The following MGAT4C variants were observed in gnomAD, a reference collection of about 807,000 sequenced individuals.
MGAT4C encodes alpha-1,3-mannosyl-glycoprotein 4-beta-N-acetylglucosaminyltransferase C.
MGAT4C carries 19 observed loss-of-function variants against 40.1 expected under a neutral mutation model. The ratio of observed to expected loss-of-function variants is 0.47; its 90% CI spans 0.33 to 0.70. The LOEUF (loss-of-function observed/expected upper bound fraction) is 0.70, where lower values mean the gene tolerates loss of function less well. Ranked by LOEUF, MGAT4C falls within the 30% of genes least tolerant of loss-of-function variation. The pLI is 0.02. For synonymous variants in MGAT4C, 181 were observed against 187.1 expected (o/e 0.97, Z 0.27); for missense variants, 491 against 563.2 (o/e 0.87, Z 1.30).
chr12:86,260,435 G>A (rs1435198639), upstream of MGAT4C, among the ~76,000 whole-genome samples: 1 of 152,096 alleles, frequency 6.6e-6, no homozygotes, highest in Non-Finnish European at 1.5e-5. Context: ...ACCCTGATAG[G>A]CAGAAATAGC....
At chr12:86,730,219 T>C (rs1950885951) in intron 1 of MGAT4C, among the ~76,000 whole-genome samples, 2 of 152,038 alleles carry the variant, frequency 1.3e-5, no homozygotes, top group South Asian at 4.1e-4. Flanking sequence ...GAATTCCATA[T>C]AATATTTATG....
intron 1 of MGAT4C, among the ~76,000 whole-genome samples, chr12:86,211,406 CAAAAAAAAAAAAAAAA>C (rs58874795): frequency 5.6e-5 from 2 of 35,516 alleles, no homozygotes; most frequent in African/African-American, 1.4e-4. Flanking sequence ...ACTACAAATA[CAAAAAAAAAAAAAAAA>C]AAAAAAAAAA....
intron 1 of MGAT4C, among the ~76,000 whole-genome samples, chr12:86,232,800 A>G (rs1951382011): frequency 6.6e-6 from 1 of 152,184 alleles, no homozygotes; most frequent in Admixed American, 6.5e-5. Flanking sequence ...GCAGCTGGAT[A>G]AGAGGAGAAA....
chr12:86,316,775 T>C (rs1954245460), intron 4 of MGAT4C, among the ~76,000 whole-genome samples: 1 of 152,166 alleles, frequency 6.6e-6, no homozygotes, highest in African/African-American at 2.4e-5. Flanking sequence ...GCTCACTAGC[T>C]GGGTGATGGA....
intron 2 of MGAT4C, among the ~76,000 whole-genome samples, chr12:86,465,475 T>C (rs1282950314): frequency 6.6e-6 from 1 of 152,000 alleles, no homozygotes; most frequent in Non-Finnish European, 1.5e-5. Context: ...GCAAAAGCCA[T>C]ATATAATAAA....
At chr12:86,598,679 C>G (rs980118692) in intron 2 of MGAT4C, among the ~76,000 whole-genome samples, 3 of 152,076 alleles carry the variant, frequency 2.0e-5, no homozygotes, top group Non-Finnish European at 4.4e-5. Context: ...GTCTTCAGCT[C>G]TCTCTAAACT....
intron 1 of MGAT4C, among the ~76,000 whole-genome samples, chr12:86,120,851 C>A (rs184625977): frequency 6.6e-6 from 1 of 152,188 alleles, no homozygotes; most frequent in Non-Finnish European, 1.5e-5. Context: ...TCCAAAGGAA[C>A]GCAGCTCCTT....
chr12:86,741,214 T>C (rs566290481), intron 1 of MGAT4C, among the ~76,000 whole-genome samples: 3 of 151,334 alleles, frequency 2.0e-5, no homozygotes, highest in South Asian at 4.2e-4. Context: ...CACAGTACTG[T>C]TGACAATAGC....
intron 1 of MGAT4C, among the ~76,000 whole-genome samples, chr12:86,794,112 T>C (rs988131174): frequency 6.6e-6 from 1 of 151,868 alleles, no homozygotes; most frequent in Non-Finnish European, 1.5e-5. Context: ...AATACAATGA[T>C]GAATTAATAT....
At chr12:86,039,355 C>T (rs983131165) in intron 2 of MGAT4C, among the ~76,000 whole-genome samples, 1 of 152,186 alleles carries the variant, frequency 6.6e-6, no homozygotes, top group Non-Finnish European at 1.5e-5. Flanking sequence ...TTCAGGTACA[C>T]CTATCAAATG....
At chr12:86,157,771 A>G (rs898531488) in intron 1 of MGAT4C, among the ~76,000 whole-genome samples, 1 of 152,142 alleles carries the variant, frequency 6.6e-6, no homozygotes, top group South Asian at 2.1e-4. Flanking sequence ...ACACTTTTAA[A>G]CAACCAGATA....
Position 86,129,769 on chromosome 12 carries a change from C to T in MGAT4C, c.-56-80046G>A, listed in dbSNP as rs1160046703. Among the ~76,000 whole-genome samples the T allele has an allele frequency of 1.2e-4, 2 of 16,872 alleles. 1 individual carries two copies. The highest frequency in any genetic ancestry group is 1.8e-4 in the Non-Finnish European group (2 of 11,222). 11.1% of individuals were successfully genotyped at this position (16,872 alleles called of 152,430 possible). ...AGAGACGGGGTTTCACCGTTTTAGCCGGGATGGTCTCGATCTCCTGACCTC... is the reference window on the plus strand; with the variant it reads ...AGAGACGGGGTTTCACCGTTTTAGCTGGGATGGTCTCGATCTCCTGACCTC... On this transcript the variant is annotated intron_variant, in intron 1 of 4. Transcript: ENST00000611864.
chr12:86,489,854 G>A lies in MGAT4C; in HGVS notation c.-228-54589C>T, dbSNP rs527647831. Reference sequence around the variant, plus strand: ...GAAGATGAAATGAATGAAATGAAGCGAGAAGGGAAGTTTAGAGAAAAAAGA... The same window carrying A: ...GAAGATGAAATGAATGAAATGAAGCAAGAAGGGAAGTTTAGAGAAAAAAGA... On this transcript the variant is annotated intron_variant, in intron 2 of 7. Coordinates refer to the MGAT4C transcript ENST00000548651. Among the ~76,000 whole-genome samples, 29 of 152,280 alleles carry A rather than the reference G, an allele frequency of 1.9e-4. 1 individual carries two copies. The South Asian group carries it at 5.4e-3, about 28-fold the overall frequency.
intron 2 of MGAT4C, among the ~76,000 whole-genome samples, chr12:86,486,736 C>T (rs979629336): frequency 4.6e-5 from 7 of 152,180 alleles, no homozygotes; most frequent in African/African-American, 1.4e-4. Context: ...ACCTAACAGA[C>T]ATCTAGAGAA....
chr12:86,600,465 A>T (rs1420238269), intron 2 of MGAT4C, among the ~76,000 whole-genome samples: 1 of 152,190 alleles, frequency 6.6e-6, no homozygotes, highest in African/African-American at 2.4e-5. Context: ...GGAAGAGAAC[A>T]TATTTGAGTT....
chr12:86,391,083 G>A (rs1048848707), intron 3 of MGAT4C, among the ~76,000 whole-genome samples: 1 of 152,020 alleles, frequency 6.6e-6, no homozygotes, highest in African/African-American at 2.4e-5. Flanking sequence ...TTCAAAATCT[G>A]TTTTCTCCGT....
intron 3 of MGAT4C, among the ~76,000 whole-genome samples, chr12:86,370,531 A>G (rs1342444955): frequency 2.6e-5 from 4 of 152,076 alleles, no homozygotes; most frequent in African/African-American, 7.2e-5. Context: ...CTACTAAGGA[A>G]GTTGAATATC....
intron 4 of MGAT4C, among the ~76,000 whole-genome samples, chr12:86,329,741 C>T (rs1328311587): frequency 2.6e-5 from 4 of 152,228 alleles, no homozygotes; most frequent in East Asian, 3.9e-4. Context: ...TTTCAACTTA[C>T]ACTTTATAGT....
chr12:86,078,647 T>A (rs748126222), intron 1 of MGAT4C, among the ~76,000 whole-genome samples: 5 of 152,174 alleles, frequency 3.3e-5, no homozygotes, highest in Non-Finnish European at 7.3e-5. Flanking sequence ...AATTGGGCAC[T>A]CAGCAGTGGA....
Sources: allele counts gnomAD v4.1 joint callset (sites outside exome capture counted in the v4.1 genomes callset), GRCh38; gene constraint gnomAD v4.1.1; transcripts MANE v1.5; gene names NCBI Gene and HGNC (gene_info 2026-07-23, HGNC 2026-07-21).